Variants in CREB1 observed in about 807,000 individuals in gnomAD.
The protein encoded by CREB1 is cAMP responsive element binding protein 1.
In CREB1, 2 loss-of-function variants were observed where a neutral mutation model predicts 42.0. That is an observed-to-expected ratio of 0.05 (90% CI 0.02 to 0.15). The LOEUF (loss-of-function observed/expected upper bound fraction) is 0.15. Among genes scored for constraint, CREB1 ranks in the 10% least tolerant of loss-of-function variants. The pLI is 1.00. For missense variants in CREB1, 199 were observed against 388.9 expected (o/e 0.51, Z 4.11); for synonymous variants, 123 against 139.9 (o/e 0.88, Z 0.85).
intron 7 of CREB1, among the ~76,000 whole-genome samples, chr2:207,582,687 T>C (rs1559058232): frequency 6.6e-6 from 1 of 152,100 alleles, no homozygotes; most frequent in Non-Finnish European, 1.5e-5. Context: ...CTCTAGTTCC[T>C]TTATTAGAAA....
intron 1 of CREB1, among the ~76,000 whole-genome samples, chr2:207,532,586 T>A (rs373962402): frequency 4.0e-5 from 6 of 150,498 alleles, no homozygotes; most frequent in African/African-American, 1.5e-4. Context: ...GGCAGGAGAA[T>A]CTCTTGAGCC....
Position 207,600,801 on chromosome 2 carries a change from CA to C in CREB1, c.*3746del, listed in dbSNP as rs1344744137. 4.8e-6 allele frequency: 1 copy of C among 209,412 alleles called. No individual in the cohort carries two copies. Among genetic ancestry groups the C allele is most frequent in the African/African-American group, 2.3e-5 (1 of 43,966 alleles). The allele number at this position is 209,412 out of a possible 1,614,324, so 13.0% of individuals were successfully genotyped here. A position where few individuals can be genotyped will look rare whatever the true frequency, so the allele number is the denominator to read the frequency against. On this transcript the variant is annotated 3_prime_UTR_variant, in exon 8 of 8. Transcript: ENST00000353267. ...TCTCTCAGGATAAATCCCTGTAGGA[CA>C]AATCCCTACTATCATTTCTACCTTT...
chr2:207,548,675 G>A (rs991017467), intron 1 of CREB1, among the ~76,000 whole-genome samples: 5 of 151,932 alleles, frequency 3.3e-5, no homozygotes, highest in African/African-American at 9.7e-5. Flanking sequence ...CACTTGAACC[G>A]GGGAGGCAGA....
intron 6 of CREB1, chr2:207,577,122 A>AT: frequency 3.0e-6 from 3 of 990,336 alleles, no homozygotes; most frequent in South Asian, 4.5e-5. Context: ...TCTACTTGAA[A>AT]TTTTTTAATA....
At chr2:207,590,393 G>T (rs1253728177) in intron 7 of CREB1, among the ~76,000 whole-genome samples, 9 of 151,322 alleles carry the variant, frequency 5.9e-5, no homozygotes, top group Non-Finnish European at 1.3e-4. Flanking sequence ...CAATTTTGTT[G>T]ATTGTTTTTA....
chr2:207,595,348 C>A (rs977746593), intron 7 of CREB1, among the ~76,000 whole-genome samples: 1 of 151,970 alleles, frequency 6.6e-6, no homozygotes, highest in African/African-American at 2.4e-5. Flanking sequence ...AATCTCTGTT[C>A]AAGTCCCTAT....
At position 207,599,217 on chromosome 2, in the gene CREB1, A is replaced by C; in HGVS notation, c.*2159A>C. 5.0e-6 allele frequency: 1 copy of C among 199,668 alleles called. No homozygotes were observed. Among genetic ancestry groups the C allele is most frequent in the Non-Finnish European group, 1.0e-5 (1 of 96,714 alleles). The allele number at this position is 199,668 out of a possible 1,614,324, so 12.4% of individuals were successfully genotyped here. On this transcript the variant is annotated 3_prime_UTR_variant, in exon 8 of 8. Transcript: ENST00000353267. ...TGTTTGTCCTGCTGAGCTAATGGGG[A>C]AAGTTATAGCATAAAAATTGTGTAA...
At chr2:207,547,981 A>G (rs2081360090) in intron 1 of CREB1, among the ~76,000 whole-genome samples, 1 of 151,770 alleles carries the variant, frequency 6.6e-6, no homozygotes, top group Non-Finnish European at 1.5e-5. Context: ...GTCACCCAGG[A>G]AGGAGTGCAG....
chr2:207,565,544 CAG>C (rs1235054581), intron 3 of CREB1, among the ~76,000 whole-genome samples: 1 of 147,190 alleles, frequency 6.8e-6, no homozygotes, highest in Non-Finnish European at 1.5e-5. Flanking sequence ...AAAAAGGACA[CAG>C]ATTAAAAAAC....
Position 207,602,583 on chromosome 2 carries a change from A to G in CREB1, c.*5525A>G, listed in dbSNP as rs2087271051. 1 of 211,958 alleles carries G rather than the reference A, an allele frequency of 4.7e-6. No individual in the cohort carries two copies. The highest frequency in any genetic ancestry group is 1.9e-4 in the South Asian group (1 of 5,336). The allele number at this position is 211,958 out of a possible 1,614,324, so 13.1% of individuals were successfully genotyped here. A position where few individuals can be genotyped will look rare whatever the true frequency, so the allele number is the denominator to read the frequency against. ...TGAGTTAGCTTAAAAATTGGTAGGG[A>G]GGAAGAAAATCTCTGCAAATAATGA... On this transcript the variant is annotated 3_prime_UTR_variant, in exon 8 of 8. Coordinates refer to ENST00000353267, the MANE Select transcript of CREB1 (RefSeq NM_004379.5).
In CREB1 at chr2:207,595,137, A is replaced by G. The variant is rs180929561; in HGVS notation, c.840-1777A>G. On this transcript the variant is annotated intron_variant, in intron 7 of 7. Coordinates refer to ENST00000353267, the MANE Select transcript of CREB1 (RefSeq NM_004379.5). ...CAGCCTCCTGAGTAGCTGGGACTAC[A>G]GGCACCCACCACCATACCTGGCTAA... 6.3e-3 allele frequency among the ~76,000 whole-genome samples: 950 copies of G among 151,712 alleles called. 10 individuals are homozygous for G. The highest frequency in any genetic ancestry group is 0.021 in the African/African-American group (883 of 41,356).
At chr2:207,555,800 C>A in intron 2 of CREB1, 51 bp downstream of exon 2, 2 of 1,196,752 alleles carry the variant, frequency 1.7e-6, no homozygotes, top group Non-Finnish European at 2.5e-6. Flanking sequence ...TAGAGGAATA[C>A]GTTTCCAAGA....
Position 207,575,395 on chromosome 2 carries a change from A to G in CREB1, c.629A>G (p.Tyr210Cys), listed in dbSNP as rs748790028. The G allele has an allele frequency of 1.9e-6, 3 of 1,614,128 alleles. No homozygotes were observed. Among genetic ancestry groups the G allele is most frequent in the Non-Finnish European group, 2.5e-6 (3 of 1,179,966 alleles). Residue 210 changes from tyrosine to cysteine, a missense_variant, in exon 6 of 8, where the codon TAT becomes TGT. Physicochemically the swap from Tyr to Cys is radical, Grantham distance 194. Coordinates refer to ENST00000353267, the MANE Select transcript of CREB1 (RefSeq NM_004379.5). ...CAGCCGGGTACTACCATTCTACAGT[A>G]TGCACAGACCACTGATGGACAGCAG... is the stretch of plus-strand genomic sequence containing the variant. The part of the protein sequence containing the change: ...ATQPGTTILQ[Y>C]AQTTDGQQIL...
At chr2:207,551,636 T>C (rs1299936571) in intron 1 of CREB1, among the ~76,000 whole-genome samples, 1 of 152,160 alleles carries the variant, frequency 6.6e-6, no homozygotes, top group African/African-American at 2.4e-5. Flanking sequence ...CGTTCTTTGT[T>C]ATATGTATTA....
At chr2:207,569,465 G>A (rs1157553660) in intron 4 of CREB1, among the ~76,000 whole-genome samples, 1 of 151,678 alleles carries the variant, frequency 6.6e-6, no homozygotes, top group Non-Finnish European at 1.5e-5. Context: ...ACACTTTTTT[G>A]TTTCCCAATC....
intron 7 of CREB1, among the ~76,000 whole-genome samples, chr2:207,583,240 G>A (rs1199046418): frequency 1.3e-5 from 2 of 152,036 alleles, no homozygotes; most frequent in African/African-American, 4.8e-5. Flanking sequence ...ACTCATGAGA[G>A]TTCCTGGGAC....
intron 4 of CREB1, 50 bp downstream of exon 4, chr2:207,567,613 G>A (rs200075241): frequency 7.5e-7 from 1 of 1,334,440 alleles, no homozygotes; most frequent in Non-Finnish European, 1.1e-6. Flanking sequence ...GTCTTAGGTA[G>A]TTGCAGATAA....
chr2:207,560,303 T>A lies in CREB1; in HGVS notation c.192T>A (p.Val64=). Residue 64 remains valine, a synonymous_variant, in exon 3 of 8, where the codon GTT becomes GTA. Transcript: ENST00000353267. ...TACAGCTGCCCAATGGGCAGACAGT[T>A]CAAGTCCATGGAGTCATTCAGGCGG... is the stretch of plus-strand genomic sequence containing the variant. ...TLVQLPNGQT[V]QVHGVIQAAQ... 5 of 1,614,012 alleles carry A rather than the reference T, an allele frequency of 3.1e-6. No homozygotes were observed. The South Asian group carries it at 5.5e-5, about 18-fold the overall frequency.
chr2:207,581,736 A>C, intron 7 of CREB1: 1 of 623,096 alleles, frequency 1.6e-6, no homozygotes, highest in Non-Finnish European at 2.8e-6. Flanking sequence ...ATAAAAGTAC[A>C]TTGGTATAAT....
Sources: allele counts gnomAD v4.1 joint callset (sites outside exome capture counted in the v4.1 genomes callset), GRCh38; gene constraint gnomAD v4.1.1; transcripts MANE v1.5; gene names NCBI Gene and HGNC (gene_info 2026-07-23, HGNC 2026-07-21).